ZNF517: variants seen among roughly 807,000 people sequenced by gnomAD.
The protein encoded by ZNF517 is zinc finger protein 517.
Under a neutral mutation model 12.1 loss-of-function variants are expected in ZNF517, and 12 were observed. The observed-to-expected ratio is 0.99, with a 90% CI of 0.63 to 1.61. The LOEUF is 1.61. ZNF517 is among the 40% of genes most tolerant of loss of function. The pLI is 0.00. For missense variants in ZNF517, 781 were observed against 693.2 expected, an observed-to-expected ratio of 1.13 and a Z score of -1.42; for synonymous variants, 388 against 310.2, an observed-to-expected ratio of 1.25 and a Z score of -2.63.
intron 1 of ZNF517, chr8:144,800,376 C>T: frequency 1.6e-6 from 1 of 617,846 alleles, no homozygotes; most frequent in Non-Finnish European, 2.0e-6. Flanking sequence ...AACCAGGTAG[C>T]CCCTCCCTGA....
rs1242783761 is a variant in ZNF517, at chr8:144,809,584, G to C, written c.*1189G>C. 2 of 152,250 alleles carry C rather than the reference G, an allele frequency of 1.3e-5. No homozygotes were observed. The highest frequency in any genetic ancestry group is 2.9e-5 in the Non-Finnish European group (2 of 68,084). 9.4% of individuals were successfully genotyped at this position (152,250 alleles called of 1,614,324 possible). On this transcript the variant is annotated 3_prime_UTR_variant, in exon 5 of 5. Transcript: ENST00000359971. ...TCAGGCTTGCCACAGAGGCCTCCCA[G>C]GGCTCTCGGCCAGTCAGCCTCAGAA...
rs1827410534 is a variant in ZNF517, at chr8:144,808,473, C to T, written c.*78C>T. 5.7e-6 allele frequency: 8 copies of T among 1,403,246 alleles called. No homozygotes were observed. The highest frequency in any genetic ancestry group is 6.5e-6 in the Non-Finnish European group (7 of 1,078,448). 86.9% of individuals were successfully genotyped at this position (1,403,246 alleles called of 1,614,324 possible). ...GGGCCCTAGCGCAGAAATTCAGAAC[C>T]CCCTGTCCTGAAGGTGAAGCAAAGT... On this transcript the variant is annotated 3_prime_UTR_variant, in exon 5 of 5. Transcript: ENST00000359971.
chr8:144,808,632 G>A lies in ZNF517; in HGVS notation c.*237G>A, dbSNP rs1827419756. The A allele has an allele frequency of 2.1e-6, 1 of 482,204 alleles. No individual in the cohort carries two copies. Among genetic ancestry groups the A allele is most frequent in the Non-Finnish European group, 3.4e-6 (1 of 296,900 alleles). 29.9% of individuals were successfully genotyped at this position (482,204 alleles called of 1,614,324 possible). A position where few individuals can be genotyped will look rare whatever the true frequency, so the allele number is the denominator to read the frequency against. ...CAGCCACCATTTCCTGGGGCCTTCC[G>A]GAAATGTCCAGGAGCGGGCAGAAGG... On this transcript the variant is annotated 3_prime_UTR_variant, in exon 5 of 5. Transcript: ENST00000359971.
At chr8:144,799,297 G>C (rs1035396378) in intron 1 of ZNF517, among the ~76,000 whole-genome samples, 1 of 152,204 alleles carries the variant, frequency 6.6e-6, no homozygotes, top group East Asian at 1.9e-4. Context: ...GCTCTTCCCG[G>C]CAGCCTCGCT....
chr8:144,813,083 C>T (rs1048665870), downstream of ZNF517, among the ~76,000 whole-genome samples: 6 of 151,958 alleles, frequency 3.9e-5, no homozygotes, highest in East Asian at 1.9e-4. Flanking sequence ...TTTGGGAGGC[C>T]GAGATGGTGG....
chr8:144,807,141 T>G, intron 4 of ZNF517, 50 bp from the exon 5 acceptor site: 1 of 1,503,302 alleles, frequency 6.7e-7, no homozygotes, highest in Non-Finnish European at 8.9e-7. Context: ...GAAGTTCGTT[T>G]GTGAGTGTAG....
chr8:144,801,738 A>C (rs1345509790), intron 1 of ZNF517, among the ~76,000 whole-genome samples: 1 of 152,214 alleles, frequency 6.6e-6, no homozygotes, highest in Non-Finnish European at 1.5e-5. Flanking sequence ...TTAAATTAGA[A>C]AAATAGAAAG....
At position 144,806,904 on chromosome 8, in the gene ZNF517, T is replaced by C. The variant is rs1022589501; in HGVS notation, c.275-287T>C. Among the ~76,000 whole-genome samples, 6 of 151,738 alleles carry C rather than the reference T, an allele frequency of 4.0e-5. No individual in the cohort carries two copies. The South Asian group carries it at 1.2e-3, about 32-fold the overall frequency. On this transcript the variant is annotated intron_variant, in intron 4 of 4. Coordinates refer to ENST00000359971, the MANE Select transcript of ZNF517 (RefSeq NM_213605.3). The stretch of plus-strand genomic sequence containing the variant: ...CACAGTGTAGATGTTTATTGAATCA[T>C]GTTGTACACCAAAAATATATACAAG...
In ZNF517 at chr8:144,802,947, G is replaced by C. The variant is rs766246823; in HGVS notation, c.33G>C (p.Gln11His). Residue 11 changes from glutamine (Q) to histidine (H), a missense_variant and splice_region_variant, in exon 2 of 5, where the codon CAG becomes CAC. Gln to His is a conservative substitution (Grantham distance 24). Coordinates refer to ENST00000359971, the MANE Select transcript of ZNF517 (RefSeq NM_213605.3). MAMALPMPGP[Q>H]EAVVFEDVAV... ...TGGCACTCCCGATGCCTGGACCTCA[G>C]GTGAGCACCCCCTGAGCCCGTCCAT... 6.2e-7 allele frequency: 1 copy of C among 1,613,796 alleles called. No individual in the cohort carries two copies. The highest frequency in any genetic ancestry group is 1.3e-5 in the African/African-American group (1 of 74,902).
Position 144,807,760 on chromosome 8 carries a change from T to G in ZNF517, c.844T>G (p.Phe282Val). 6.2e-7 allele frequency: 1 copy of G among 1,607,786 alleles called. No homozygotes were observed. Among genetic ancestry groups the G allele is most frequent in the Non-Finnish European group, 8.5e-7 (1 of 1,177,984 alleles). ...RSSRLLQHQK[F>V]HTGEKPFACT... is the part of the protein sequence containing the mutation. Reference sequence around the variant, plus strand: ...CTCCCGGCTGCTGCAGCACCAGAAGTTCCACACCGGGGAGAAGCCCTTCGC... The same window carrying G: ...CTCCCGGCTGCTGCAGCACCAGAAGGTCCACACCGGGGAGAAGCCCTTCGC... Residue 282 changes from phenylalanine (F) to valine (V), a missense_variant, in exon 5 of 5, where the codon TTC (phenylalanine) becomes GTC (valine). Physicochemically the swap from Phe to Val is conservative, Grantham distance 50. Coordinates refer to ENST00000359971, the MANE Select transcript of ZNF517 (RefSeq NM_213605.3).
In ZNF517 at chr8:144,803,018, G is replaced by A. The variant is rs544185250; in HGVS notation, c.33+71G>A. ...CCCCTAGCCTCAGCTTTTCAGCCCT[G>A]AGAACCTTACAGCTTGCCTCACACC... On this transcript the variant is annotated intron_variant, in intron 2 of 4. Coordinates refer to ENST00000359971, the MANE Select transcript of ZNF517 (RefSeq NM_213605.3). 9.4e-6 allele frequency: 15 copies of A among 1,598,868 alleles called. No homozygotes were observed. The African/African-American group carries it at 1.7e-4, about 19-fold the overall frequency.
downstream of ZNF517, chr8:144,810,282 A>C: frequency 1.7e-6 from 1 of 597,952 alleles, no homozygotes; most frequent in Non-Finnish European, 3.1e-6. Context: ...GGGGGGATTG[A>C]GTTACCTGCC....
Position 144,803,584 on chromosome 8 carries a change from T to C in ZNF517, c.34-57T>C, listed in dbSNP as rs1827072566. On this transcript the variant is annotated intron_variant, in intron 2 of 4. Coordinates refer to ENST00000359971, the MANE Select transcript of ZNF517 (RefSeq NM_213605.3). ...TAGCAGATCATGCAAATGTTTCTCATCTGCTGGGTTCTCACCGAGCCCTTG... is the reference window on the plus strand; with the variant it reads ...TAGCAGATCATGCAAATGTTTCTCACCTGCTGGGTTCTCACCGAGCCCTTG... The C allele has an allele frequency of 3.1e-6, 5 of 1,603,536 alleles. No homozygotes were observed. In the South Asian group the frequency reaches 4.4e-5, roughly 14 times the overall value.
In ZNF517 at chr8:144,807,247, C is replaced by T; in HGVS notation, c.331C>T (p.Gln111Ter). ...TCCTCTGCAGAGAAAGCTCTCCAGGCAGGCAGGACTGCCGGGCACCGTGTG... is the reference window on the plus strand; with the variant it reads ...TCCTCTGCAGAGAAAGCTCTCCAGGTAGGCAGGACTGCCGGGCACCGTGTG... ...ESPLQRKLSR[Q>*]AGLPGTVWGC... Residue 111 changes from glutamine to a stop codon, truncating the protein, a stop_gained, in exon 5 of 5, where the codon CAG (glutamine) becomes TAG (stop). Coordinates refer to ENST00000359971, the MANE Select transcript of ZNF517 (RefSeq NM_213605.3). LOFTEE classifies it low-confidence loss of function (END_TRUNC). 6.5e-7 allele frequency: 1 copy of T among 1,549,538 alleles called. No individual in the cohort carries two copies. The highest frequency in any genetic ancestry group is 8.7e-7 in the Non-Finnish European group (1 of 1,151,310).
In ZNF517 at chr8:144,807,300, G is replaced by A. The variant is rs113318407; in HGVS notation, c.384G>A (p.Val128=). ...VWGCLPWGHP[V]GGHPAPPHPH... ...GGTGCCTCCCCTGGGGGCACCCTGT[G>A]GGGGGGCACCCTGCACCACCCCACC... The change falls in exon 5 of 5, where the codon GTG becomes GTA. Residue 128 remains valine, a synonymous_variant. Coordinates refer to ENST00000359971, the MANE Select transcript of ZNF517 (RefSeq NM_213605.3). 7 of 1,551,226 alleles carry A rather than the reference G, an allele frequency of 4.5e-6. No individual in the cohort carries two copies. In the East Asian group the frequency reaches 6.9e-5, roughly 15 times the overall value.
At chr8:144,799,048 G>C (rs1378297979) in intron 1 of ZNF517, 111 bp downstream of exon 1, 1 of 152,214 alleles carries the variant, frequency 6.6e-6, no homozygotes, top group African/African-American at 2.4e-5. Context: ...GGCAGGGAGC[G>C]GACCCGCAGC....
At chr8:144,800,220 C>G (rs1475370320) in intron 1 of ZNF517, among the ~76,000 whole-genome samples, 1 of 152,136 alleles carries the variant, frequency 6.6e-6, no homozygotes, top group Non-Finnish European at 1.5e-5. Flanking sequence ...ACCCTCCTCC[C>G]CTTGACATTT....
In ZNF517 at chr8:144,801,010, C is replaced by T. The variant is rs145243206; in HGVS notation, c.-45-1860C>T. On this transcript the variant is annotated intron_variant, in intron 1 of 4. Coordinates refer to ENST00000359971, the MANE Select transcript of ZNF517 (RefSeq NM_213605.3). ...ACACTCGGCTAATTTTTGTATTTTT[C>T]GTAGAGAAGGGTTTCACCATGTTGG... Among the ~76,000 whole-genome samples the T allele has an allele frequency of 3.2e-3, 491 of 152,074 alleles. 1 individual carries two copies. Among genetic ancestry groups the T allele is most frequent in the African/African-American group, 0.011 (465 of 41,486 alleles).
Position 144,808,078 on chromosome 8 carries a change from C to T in ZNF517, c.1162C>T (p.Arg388Cys), listed in dbSNP as rs981888968. 6 of 1,610,438 alleles carry T rather than the reference C, an allele frequency of 3.7e-6. No homozygotes were observed. The highest frequency in any genetic ancestry group is 1.1e-5 in the South Asian group (1 of 90,756). ...CAACTCCCTGCTGCTGCTGCACCTGCGCCTACACACGGGCGAGAAGCCGTT... is the reference window on the plus strand; with the variant it reads ...CAACTCCCTGCTGCTGCTGCACCTGTGCCTACACACGGGCGAGAAGCCGTT... ...RHNSLLLLHL[R>C]LHTGEKPFEC... is the part of the protein sequence containing the mutation. The change falls in exon 5 of 5, where the codon CGC becomes TGC. Residue 388 changes from arginine (R) to cysteine (C), a missense_variant. By Grantham distance (180) the Arg-to-Cys change is radical (BLOSUM62 -3). Coordinates refer to ENST00000359971, the MANE Select transcript of ZNF517 (RefSeq NM_213605.3).
Sources: allele counts gnomAD v4.1 joint callset (sites outside exome capture counted in the v4.1 genomes callset), GRCh38; gene constraint gnomAD v4.1.1; transcripts MANE v1.5; gene names NCBI Gene and HGNC (gene_info 2026-07-23, HGNC 2026-07-21).